The following SGCD variants were observed in gnomAD, a reference collection of about 807,000 sequenced individuals.
The protein encoded by SGCD is delta-sarcoglycan.
In SGCD, 18 loss-of-function variants were observed where a neutral mutation model predicts 36.6. That is an observed-to-expected ratio of 0.49 (90% confidence interval 0.34 to 0.73). The LOEUF is 0.73. Among genes scored for constraint, SGCD ranks in the 30% least tolerant of loss-of-function variants. The probability of loss-of-function intolerance (pLI) is 0.01; values close to 1 mark genes in which losing one functional copy is unlikely to be tolerated. For synonymous variants in SGCD, 133 were observed against 130.6 expected (o/e 1.02, Z -0.12); for missense variants, 387 against 346.7 (o/e 1.12, Z -0.92).
intron 3 of SGCD, among the ~76,000 whole-genome samples, chr5:156,373,438 A>G (rs1580890492): frequency 1.3e-5 from 2 of 152,338 alleles, no homozygotes; most frequent in East Asian, 3.9e-4. Context: ...GAGACCGCCC[A>G]AGGCTAACCT....
At chr5:156,209,647 C>A (rs1358966267) in intron 3 of SGCD, among the ~76,000 whole-genome samples, 1 of 152,232 alleles carries the variant, frequency 6.6e-6, no homozygotes, top group Non-Finnish European at 1.5e-5. Flanking sequence ...ACCCAGGTTG[C>A]AGGTTGGCCC....
Position 156,762,113 on chromosome 5 carries a change from G to A in SGCD, c.*2723G>A, listed in dbSNP as rs1013306538. ...TTTACCTGAATTCTTGGGGGCCGGC[G>A]GGGAGCTTTTACATTAAAAATCTAC... On this transcript the variant is annotated 3_prime_UTR_variant, in exon 9 of 9. Coordinates refer to ENST00000337851, the MANE Select transcript of SGCD (RefSeq NM_000337.6). 1.3e-5 allele frequency: 2 copies of A among 152,296 alleles called. No individual in the cohort carries two copies. Among genetic ancestry groups the A allele is most frequent in the African/African-American group, 4.8e-5 (2 of 41,294 alleles). The allele number at this position is 152,296 out of a possible 1,614,324, so 9.4% of individuals were successfully genotyped here. A position where few individuals can be genotyped will look rare whatever the true frequency, so the allele number is the denominator to read the frequency against.
chr5:156,463,670 C>T (rs1754595628), intron 3 of SGCD, among the ~76,000 whole-genome samples: 1 of 152,170 alleles, frequency 6.6e-6, no homozygotes, highest in African/African-American at 2.4e-5. Flanking sequence ...GTCTCCTTCA[C>T]TTACTTCACT....
intron 1 of SGCD, among the ~76,000 whole-genome samples, chr5:155,954,966 C>T (rs1245658176): frequency 6.6e-6 from 1 of 152,056 alleles, no homozygotes; most frequent in African/African-American, 2.4e-5. Context: ...CCAAGCAGAG[C>T]CAGTGTTTTA....
chr5:156,550,739 TCAAA>T (rs962425061), intron 4 of SGCD, among the ~76,000 whole-genome samples: 5 of 152,206 alleles, frequency 3.3e-5, no homozygotes, highest in South Asian at 2.1e-4. Context: ...GAGCTAAGGC[TCAAA>T]CAAAGGACCT....
At chr5:156,340,317 T>G (rs759656373) in intron 2 of SGCD, among the ~76,000 whole-genome samples, 67 of 152,342 alleles carry the variant, frequency 4.4e-4, no homozygotes, top group Non-Finnish European at 1.6e-4. Context: ...CTACTACCCA[T>G]GTATTTCTGG....
chr5:156,309,248 T>G (rs1289666482), intron 3 of SGCD, among the ~76,000 whole-genome samples: 1 of 152,168 alleles, frequency 6.6e-6, no homozygotes, highest in Non-Finnish European at 1.5e-5. Context: ...TCTCTCTCTT[T>G]TTTCCATCTA....
chr5:156,106,090 A>G (rs1047048982), intron 1 of SGCD, among the ~76,000 whole-genome samples: 37 of 130,584 alleles, frequency 2.8e-4, no homozygotes, highest in African/African-American at 1.1e-3. Flanking sequence ...AGCCTGGGTG[A>G]CAGAGTGAGA....
chr5:156,067,802 C>T (rs1312892758), intron 1 of SGCD, among the ~76,000 whole-genome samples: 5 of 138,530 alleles, frequency 3.6e-5, no homozygotes, highest in East Asian at 2.0e-4. Flanking sequence ...CTTCGGCTCG[C>T]GCACGGTGCG....
At chr5:155,737,224 C>T in the SGCD span, among the ~76,000 whole-genome samples, 9 of 152,230 alleles carry the variant, frequency 5.9e-5, no homozygotes, top group East Asian at 9.7e-4. Context: ...CTATGAGGTA[C>T]GTTAAGATAA....
intron 1 of SGCD, among the ~76,000 whole-genome samples, chr5:156,017,316 T>G (rs1339887841): frequency 1.3e-5 from 2 of 152,158 alleles, no homozygotes; most frequent in Non-Finnish European, 2.9e-5. Context: ...GTTTTCCCCA[T>G]GCAAAAGTTT....
chr5:156,584,624 CTGCTTCTTTCTGTCACCTA>C (rs6149305), intron 4 of SGCD, among the ~76,000 whole-genome samples: 89,387 of 151,712 alleles, frequency 0.59, 26,996 homozygotes, highest in African/African-American at 0.72. Context: ...ATGTGTGCTC[CTGCTTCTTTCTGTCACCTA>C]TGCTTCTTTC....
chr5:155,917,430 T>C (rs1186251787), intron 1 of SGCD, among the ~76,000 whole-genome samples: 6 of 152,172 alleles, frequency 3.9e-5, no homozygotes, highest in South Asian at 4.1e-4. Flanking sequence ...TAGTAAGTAA[T>C]TGAATGCTGG....
chr5:156,079,692 C>A (rs966775509), intron 1 of SGCD, among the ~76,000 whole-genome samples: 2 of 152,224 alleles, frequency 1.3e-5, no homozygotes, highest in Non-Finnish European at 2.9e-5. Context: ...GACTCCATGT[C>A]CCCCATCCAG....
chr5:156,009,433 T>C (rs1758815286), intron 1 of SGCD, among the ~76,000 whole-genome samples: 1 of 152,186 alleles, frequency 6.6e-6, no homozygotes, highest in African/African-American at 2.4e-5. Flanking sequence ...GTTTTCTTAC[T>C]ACTGGTTGGT....
intron 7 of SGCD, among the ~76,000 whole-genome samples, chr5:156,685,597 A>G (rs1753875539): frequency 6.6e-6 from 1 of 152,150 alleles, no homozygotes; most frequent in Admixed American, 6.5e-5. Context: ...CAGAACCTCC[A>G]GCTTGCTTAT....
chr5:156,086,066 C>G (rs550485292), intron 1 of SGCD, among the ~76,000 whole-genome samples: 1 of 152,230 alleles, frequency 6.6e-6, no homozygotes, highest in East Asian at 1.9e-4. Context: ...GTTTCTCTGG[C>G]AAAAATAAAC....
In SGCD at chr5:156,330,016, CA is replaced by C. The variant is rs758475764; in HGVS notation, c.3+461del. Reference sequence around the variant, plus strand: ...TGGGCGACAGAGCAAGATTCAGTCTCAAAAAAAAAAAAAAAAAAAAAAAATC... The same window carrying C: ...TGGGCGACAGAGCAAGATTCAGTCTCAAAAAAAAAAAAAAAAAAAAAAATC... On this transcript the variant is annotated intron_variant, in intron 2 of 8. Transcript: ENST00000337851. Among the ~76,000 whole-genome samples, 315 of 57,520 alleles carry C rather than the reference CA, an allele frequency of 5.5e-3. 1 individual carries two copies. The East Asian group carries it at 0.064, about 12-fold the overall frequency. The allele number at this position is 57,520 out of a possible 152,430, so 37.7% of individuals were successfully genotyped here.
At chr5:155,752,325 G>A in the SGCD span, among the ~76,000 whole-genome samples, 1 of 152,192 alleles carries the variant, frequency 6.6e-6, no homozygotes, top group Non-Finnish European at 1.5e-5. Context: ...TGCATGGTGT[G>A]GCTCCTGCTG....
Sources: allele counts gnomAD v4.1 joint callset (sites outside exome capture counted in the v4.1 genomes callset), GRCh38; gene constraint gnomAD v4.1.1; transcripts MANE v1.5; gene names NCBI Gene and HGNC (gene_info 2026-07-23, HGNC 2026-07-21).